The following PTPRT variants were observed in gnomAD, a reference collection of about 807,000 sequenced individuals.
PTPRT encodes the protein receptor-type tyrosine-protein phosphatase T.
PTPRT carries 56 observed loss-of-function variants against 176.8 expected under a neutral mutation model. That is an observed-to-expected ratio of 0.32 (90% CI 0.26 to 0.40). The LOEUF (loss-of-function observed/expected upper bound fraction) is 0.40. Among genes scored for constraint, PTPRT ranks in the 10% least tolerant of loss-of-function variants. The pLI, the probability that PTPRT is intolerant of heterozygous loss-of-function variation, is 1.00. For missense variants in PTPRT, 1,540 were observed against 1,908.2 expected, an observed-to-expected ratio of 0.81 and a Z score of 3.60; for synonymous variants, 783 against 739.0, an observed-to-expected ratio of 1.06 and a Z score of -0.96.
intron 7 of PTPRT, among the ~76,000 whole-genome samples, chr20:42,593,639 A>G (rs2073618605): frequency 6.6e-6 from 1 of 152,200 alleles, no homozygotes; most frequent in African/African-American, 2.4e-5. Context: ...GCTTGGAATC[A>G]CATTAAGATT....
intron 9 of PTPRT, among the ~76,000 whole-genome samples, chr20:42,429,875 G>T (rs940400150): frequency 4.6e-5 from 7 of 152,192 alleles, no homozygotes; most frequent in African/African-American, 1.7e-4. Context: ...AGATAGCAAG[G>T]GGAGTGTAGT....
intron 2 of PTPRT, among the ~76,000 whole-genome samples, chr20:42,852,589 AT>A (rs1171840660): frequency 6.6e-6 from 1 of 151,938 alleles, no homozygotes; most frequent in East Asian, 1.9e-4. Flanking sequence ...ATGTCCTTTG[AT>A]TTTCAGAGCC....
chr20:42,875,179 A>G (rs2078910211), intron 2 of PTPRT, among the ~76,000 whole-genome samples: 1 of 152,234 alleles, frequency 6.6e-6, no homozygotes, highest in South Asian at 2.1e-4. Context: ...ATTAGCACAG[A>G]CAGGTTTTCC....
At chr20:43,121,628 G>A (rs941654165) in intron 1 of PTPRT, among the ~76,000 whole-genome samples, 1 of 152,130 alleles carries the variant, frequency 6.6e-6, no homozygotes, top group Non-Finnish European at 1.5e-5. Context: ...CTGGTAAAAT[G>A]CCTCTTCACA....
intron 9 of PTPRT, among the ~76,000 whole-genome samples, chr20:42,428,680 G>A (rs2059188680): frequency 1.3e-5 from 2 of 152,178 alleles, no homozygotes; most frequent in African/African-American, 4.8e-5. Context: ...CAGGTTGAAT[G>A]GAATTTGCAA....
chr20:43,013,130 A>G (rs976000658), intron 1 of PTPRT, among the ~76,000 whole-genome samples: 9 of 151,840 alleles, frequency 5.9e-5, no homozygotes, highest in African/African-American at 9.7e-5. Flanking sequence ...TACTGTATAT[A>G]TATCTCTGTG....
At position 43,189,700 on chromosome 20, in the gene PTPRT, G is replaced by A; in HGVS notation, c.34C>T (p.Leu12Phe). Residue 12 changes from leucine to phenylalanine, a missense_variant, in exon 1 of 31, where the codon CTC becomes TTC. By Grantham distance (22) the Leu-to-Phe change is conservative. This residue lies in a region of PTPRT where 116 missense variants were observed against 118.5 expected (regional missense o/e 0.98). Coordinates refer to ENST00000373187, the MANE Select transcript of PTPRT (RefSeq NM_007050.6). The surrounding 1 kb of genome is among the most constrained non-coding windows in gnomAD (Gnocchi z 5.0). Reference sequence around the variant, plus strand: ...AGTGGCGGCAGCTGCAGCCTCAGGAGCAGGCTGAGGGCGAGCGCGGCGAGG... The same window carrying A: ...AGTGGCGGCAGCTGCAGCCTCAGGAACAGGCTGAGGGCGAGCGCGGCGAGG... ...ASLAALALSL[L>F]LRLQLPPLPG... is the part of the protein sequence containing the mutation. 3.0e-6 allele frequency: 4 copies of A among 1,315,376 alleles called. No individual in the cohort carries two copies. Among genetic ancestry groups the A allele is most frequent in the Non-Finnish European group, 3.9e-6 (4 of 1,032,376 alleles). The allele number at this position is 1,315,376 out of a possible 1,614,324, so 81.5% of individuals were successfully genotyped here.
intron 2 of PTPRT, among the ~76,000 whole-genome samples, chr20:42,841,044 A>C (rs956630487): frequency 1.3e-5 from 2 of 152,044 alleles, no homozygotes; most frequent in African/African-American, 4.8e-5. Flanking sequence ...CAGCCTGCTA[A>C]ATTTCCCAAG....
At chr20:42,296,852 T>C (rs776316202) in intron 12 of PTPRT, among the ~76,000 whole-genome samples, 8 of 152,202 alleles carry the variant, frequency 5.3e-5, no homozygotes, top group Non-Finnish European at 8.8e-5. Context: ...AAAGGATAAA[T>C]GCTTGAGGGG....
At chr20:42,358,086 G>GAA (rs35971618) in intron 9 of PTPRT, among the ~76,000 whole-genome samples, 1,633 of 143,054 alleles carry the variant, frequency 0.011, 18 homozygotes, top group East Asian at 0.04. Context: ...GAGAAATCTG[G>GAA]AAAAAAAAAA....
intron 1 of PTPRT, among the ~76,000 whole-genome samples, chr20:43,099,948 A>G (rs1189597579): frequency 6.6e-6 from 1 of 152,216 alleles, no homozygotes; most frequent in Non-Finnish European, 1.5e-5. Flanking sequence ...CAGACCTCAC[A>G]TGGTACCTAC....
chr20:42,426,984 T>G (rs572576383), intron 9 of PTPRT, among the ~76,000 whole-genome samples: 47 of 152,242 alleles, frequency 3.1e-4, no homozygotes, highest in African/African-American at 1.1e-3. Flanking sequence ...CCACAGTAGC[T>G]GTCAAACATG....
chr20:42,480,414 TGACTA>T (rs2071365126), intron 7 of PTPRT, among the ~76,000 whole-genome samples: 1 of 152,178 alleles, frequency 6.6e-6, no homozygotes, highest in Non-Finnish European at 1.5e-5. Flanking sequence ...TGAGTCTAGT[TGACTA>T]CTGGCCTCAT....
intron 9 of PTPRT, among the ~76,000 whole-genome samples, chr20:42,361,819 C>T (rs2058435890): frequency 6.6e-6 from 1 of 152,150 alleles, no homozygotes; most frequent in Non-Finnish European, 1.5e-5. Flanking sequence ...CATTCCTGAC[C>T]CACAGAATAT....
chr20:42,103,679 G>C (rs1265054377), intron 25 of PTPRT, among the ~76,000 whole-genome samples: 1 of 152,212 alleles, frequency 6.6e-6, no homozygotes, highest in Non-Finnish European at 1.5e-5. Context: ...ATGTTGGTCA[G>C]GCTGCAGACC....
chr20:42,696,303 C>CGCTTCCTA (rs1402960241), intron 6 of PTPRT, among the ~76,000 whole-genome samples: 1 of 150,312 alleles, frequency 6.7e-6, no homozygotes. Flanking sequence ...CTTTCTGTTT[C>CGCTTCCTA]GCTTCCTCCC....
intron 2 of PTPRT, 38 bp from the exon 3 acceptor site, chr20:42,791,504 G>C: frequency 6.4e-7 from 1 of 1,558,570 alleles, no homozygotes; most frequent in Non-Finnish European, 8.7e-7. Flanking sequence ...TAGAGACAAA[G>C]AGAAAGTAAG....
At chr20:42,245,794 C>T (rs1031870419) in intron 14 of PTPRT, among the ~76,000 whole-genome samples, 1 of 152,066 alleles carries the variant, frequency 6.6e-6, no homozygotes, top group Non-Finnish European at 1.5e-5. Context: ...CTGGAAACAT[C>T]TGTGGTTATA....
At chr20:43,011,964 T>G (rs1478429036) in intron 1 of PTPRT, among the ~76,000 whole-genome samples, 1 of 152,180 alleles carries the variant, frequency 6.6e-6, no homozygotes, top group Non-Finnish European at 1.5e-5. Context: ...TCTTCAGCTT[T>G]TGGACTTTTG....
Sources: allele counts gnomAD v4.1 joint callset (sites outside exome capture counted in the v4.1 genomes callset), GRCh38; gene constraint gnomAD v4.1.1; regional missense constraint gnomAD v4.1.1; non-coding constraint Gnocchi (gnomAD v3.1); transcripts MANE v1.5; gene names NCBI Gene and HGNC (gene_info 2026-07-23, HGNC 2026-07-21).